The following RFTN2 variants were observed in gnomAD, a reference collection of about 807,000 sequenced individuals.
RFTN2 encodes raftlin-2.
A neutral mutation model predicts 52.7 loss-of-function variants in RFTN2; 34 were observed. The ratio of observed to expected loss-of-function variants is 0.64; its 90% confidence interval spans 0.49 to 0.86. The LOEUF (loss-of-function observed/expected upper bound fraction) is 0.86. Ranked by LOEUF, RFTN2 falls within the 40% of genes least tolerant of loss-of-function variation. The pLI, the probability that RFTN2 is intolerant of heterozygous loss-of-function variation, is 0.00. For missense variants in RFTN2, 536 were observed against 600.1 expected (o/e 0.89, Z 1.12); for synonymous variants, 203 against 217.7 (o/e 0.93, Z 0.59).
At chr2:197,637,054 G>A (rs1487276409) in intron 3 of RFTN2, among the ~76,000 whole-genome samples, 3 of 151,068 alleles carry the variant, frequency 2.0e-5, no homozygotes, top group Non-Finnish European at 3.0e-5. Context: ...ATTGATTTGT[G>A]TATATTGAAC....
At chr2:197,632,994 A>G (rs889640803) in intron 4 of RFTN2, among the ~76,000 whole-genome samples, 1 of 152,196 alleles carries the variant, frequency 6.6e-6, no homozygotes, top group Non-Finnish European at 1.5e-5. Flanking sequence ...ACCCCTTTTT[A>G]TAAAGAAATT....
chr2:197,675,538 G>A lies in RFTN2; in HGVS notation c.-80C>T. On this transcript the variant is annotated 5_prime_UTR_variant, in exon 1 of 9. Coordinates refer to ENST00000295049, the MANE Select transcript of RFTN2 (RefSeq NM_144629.3). ...CTGTTGTTTAAGCTGCAAAAAGAAA[G>A]TTACAGACTTAACTGCTTTGATTTT... The A allele has an allele frequency of 1.7e-6, 1 of 605,494 alleles. No individual in the cohort carries two copies. The highest frequency in any genetic ancestry group is 2.1e-6 in the Non-Finnish European group (1 of 465,218). The allele number at this position is 605,494 out of a possible 1,614,324, so 37.5% of individuals were successfully genotyped here.
chr2:197,602,885 A>G (rs2087901053), intron 7 of RFTN2, among the ~76,000 whole-genome samples: 1 of 152,244 alleles, frequency 6.6e-6, no homozygotes, highest in African/African-American at 2.4e-5. Flanking sequence ...ATGGAATACT[A>G]TGCAACCATA....
At chr2:197,588,090 A>G in intron 8 of RFTN2, 1 of 457,178 alleles carries the variant, frequency 2.2e-6, no homozygotes, top group East Asian at 7.0e-5. Flanking sequence ...TCATTCAATC[A>G]TAAAAATAAC....
Position 197,604,777 on chromosome 2 carries a change from T to TA in RFTN2, c.1155-8709_1155-8708insT, listed in dbSNP as rs751729192. On this transcript the variant is annotated intron_variant, in intron 7 of 8. Coordinates refer to ENST00000295049, the MANE Select transcript of RFTN2 (RefSeq NM_144629.3). ...TTATTTATTTATTTATTTATTTATT[T>TA]TGAGACAGAGCCTCACTCTGTTGCC... 2.7e-3 allele frequency among the ~76,000 whole-genome samples: 398 copies of TA among 147,032 alleles called. 2 individuals are homozygous for TA. Among genetic ancestry groups the TA allele is most frequent in the Non-Finnish European group, 2.8e-3 (186 of 66,904 alleles).
chr2:197,640,354 T>A (rs1437495116), intron 3 of RFTN2, among the ~76,000 whole-genome samples: 8 of 152,210 alleles, frequency 5.3e-5, no homozygotes, highest in Non-Finnish European at 7.3e-5. Context: ...CCTTGCAGTT[T>A]GATCTCAGAC....
At chr2:197,586,950 T>C (rs1054652960) in intron 8 of RFTN2, among the ~76,000 whole-genome samples, 4 of 152,052 alleles carry the variant, frequency 2.6e-5, no homozygotes, top group African/African-American at 9.7e-5. Flanking sequence ...GCACCAAAAC[T>C]CTCCAACCAA....
chr2:197,606,019 T>G (rs1323196227), intron 7 of RFTN2, among the ~76,000 whole-genome samples: 1 of 152,176 alleles, frequency 6.6e-6, no homozygotes, highest in African/African-American at 2.4e-5. Context: ...TTCAGATATT[T>G]TCCCCCTAAT....
At chr2:197,591,041 C>A (rs967667392) in intron 8 of RFTN2, among the ~76,000 whole-genome samples, 4 of 152,196 alleles carry the variant, frequency 2.6e-5, no homozygotes, top group Admixed American at 6.5e-5. Context: ...TACAGAGAAC[C>A]AATTGGTCTG....
At chr2:197,649,057 A>G (rs923771970) in intron 1 of RFTN2, among the ~76,000 whole-genome samples, 73 of 152,248 alleles carry the variant, frequency 4.8e-4, no homozygotes, top group Admixed American at 4.8e-3. Context: ...AGGGGAATTA[A>G]GAAATGAAGT....
intron 8 of RFTN2, among the ~76,000 whole-genome samples, chr2:197,573,224 T>G (rs1283489530): frequency 6.6e-6 from 1 of 152,178 alleles, no homozygotes; most frequent in Non-Finnish European, 1.5e-5. Context: ...GTGGGAAACT[T>G]TGGAACTTCC....
intron 8 of RFTN2, among the ~76,000 whole-genome samples, chr2:197,580,754 G>A (rs1192923764): frequency 6.6e-6 from 1 of 152,130 alleles, no homozygotes; most frequent in African/African-American, 2.4e-5. Flanking sequence ...CATAACTGTT[G>A]TGGGTATTGA....
At chr2:197,646,911 A>AACAAC (rs1553604401) in intron 1 of RFTN2, among the ~76,000 whole-genome samples, 4 of 148,802 alleles carry the variant, frequency 2.7e-5, no homozygotes, top group Non-Finnish European at 3.0e-5. Flanking sequence ...AAAAAAAAAA[A>AACAAC]AAAAAAAAAC....
chr2:197,583,695 T>G (rs994126900), intron 8 of RFTN2, among the ~76,000 whole-genome samples: 1 of 151,922 alleles, frequency 6.6e-6, no homozygotes, highest in African/African-American at 2.4e-5. Context: ...TTGTTACATA[T>G]GTATACATGT....
At chr2:197,645,798 G>A (rs2088739305) in intron 2 of RFTN2, among the ~76,000 whole-genome samples, 1 of 152,200 alleles carries the variant, frequency 6.6e-6, no homozygotes, top group Non-Finnish European at 1.5e-5. Context: ...GCCAAGGTGG[G>A]TGGATCACCT....
Position 197,612,698 on chromosome 2 carries a change from G to A in RFTN2, c.1154+3178C>T, listed in dbSNP as rs115153066. On this transcript the variant is annotated intron_variant, in intron 7 of 8. Coordinates refer to ENST00000295049, the MANE Select transcript of RFTN2 (RefSeq NM_144629.3). ...TGATATAAGATTACAGCATCATGAC[G>A]TTTCCATGGTAATGCAGCTTTAAAC... is the stretch of plus-strand genomic sequence containing the variant. Among the ~76,000 whole-genome samples the A allele has an allele frequency of 1.4e-3, 207 of 152,330 alleles. 1 individual carries two copies. Among genetic ancestry groups the A allele is most frequent in the African/African-American group, 4.8e-3 (198 of 41,578 alleles).
At chr2:197,662,208 C>T (rs937736325) in intron 1 of RFTN2, among the ~76,000 whole-genome samples, 6 of 151,886 alleles carry the variant, frequency 4.0e-5, no homozygotes, top group Non-Finnish European at 7.4e-5. Context: ...CTTTCCTAGG[C>T]CAATGTCCTG....
chr2:197,671,736 CA>C (rs1426051252), intron 1 of RFTN2, among the ~76,000 whole-genome samples: 1 of 152,146 alleles, frequency 6.6e-6, no homozygotes, highest in African/African-American at 2.4e-5. Flanking sequence ...TAGAGGCTAG[CA>C]AAATTTCACT....
At chr2:197,645,264 A>G (rs1452389201) in intron 2 of RFTN2, among the ~76,000 whole-genome samples, 2 of 152,218 alleles carry the variant, frequency 1.3e-5, no homozygotes, top group Non-Finnish European at 2.9e-5. Flanking sequence ...ACCATTGCCT[A>G]CAGTATTCAG....
Sources: allele counts gnomAD v4.1 joint callset (sites outside exome capture counted in the v4.1 genomes callset), GRCh38; gene constraint gnomAD v4.1.1; transcripts MANE v1.5; gene names NCBI Gene and HGNC (gene_info 2026-07-23, HGNC 2026-07-21).